Variants in RASGRP3 observed in about 807,000 individuals in gnomAD.
The protein encoded by RASGRP3 is RAS guanyl releasing protein 3.
RASGRP3 carries 54 observed loss-of-function variants against 82.7 expected under a neutral mutation model. The ratio of observed to expected loss-of-function variants is 0.65; its 90% confidence interval spans 0.52 to 0.82. The LOEUF (loss-of-function observed/expected upper bound fraction) is 0.82, where lower values mean the gene tolerates loss of function less well. RASGRP3 is among the 40% of genes least tolerant of loss of function. The probability of loss-of-function intolerance (pLI) is 0.00; values close to 1 mark genes in which losing one functional copy is unlikely to be tolerated. For synonymous variants in RASGRP3, 309 were observed against 300.5 expected (o/e 1.03, Z -0.29); for missense variants, 861 against 828.9 (o/e 1.04, Z -0.48).
rs187876296 is a variant in RASGRP3 at position 33,441,261 on chromosome 2, C to G, written c.-385+4670C>G. The stretch of plus-strand genomic sequence containing the variant: ...TATATGTCCCCATTTCCCTTTCCCC[C>G]CTCCTCCCACCCTTAGTGGCCACTG... On this transcript the variant is annotated intron_variant, in intron 1 of 18. Coordinates refer to the RASGRP3 transcript ENST00000402538. 4.5e-4 allele frequency among the ~76,000 whole-genome samples: 69 copies of G among 152,214 alleles called. 1 individual carries two copies. In the East Asian group the frequency reaches 0.013, roughly 29 times the overall value.
At chr2:33,439,612 C>T (rs1191147980) in intron 1 of RASGRP3, among the ~76,000 whole-genome samples, 2 of 152,170 alleles carry the variant, frequency 1.3e-5, no homozygotes, top group Admixed American at 6.5e-5. Context: ...ATAGTATTTG[C>T]TGTTTATCAG....
intron 1 of RASGRP3, among the ~76,000 whole-genome samples, chr2:33,505,779 TCA>T (rs1379142683): frequency 6.6e-6 from 1 of 152,218 alleles, no homozygotes; most frequent in Non-Finnish European, 1.5e-5. Context: ...TCATAATCCT[TCA>T]ATGTGGCTGA....
At chr2:33,556,172 G>A (rs1675925740) in intron 15 of RASGRP3, among the ~76,000 whole-genome samples, 1 of 147,968 alleles carries the variant, frequency 6.8e-6, no homozygotes, top group Admixed American at 6.7e-5. Context: ...ATACATTACT[G>A]TTGTTTAAGA....
At chr2:33,562,120 G>A (rs1676731148) in intron 17 of RASGRP3, among the ~76,000 whole-genome samples, 1 of 152,028 alleles carries the variant, frequency 6.6e-6, no homozygotes, top group African/African-American at 2.4e-5. Flanking sequence ...TTTACACTGT[G>A]GATTTCTAAG....
intron 2 of RASGRP3, among the ~76,000 whole-genome samples, chr2:33,461,149 A>G (rs1265914020): frequency 6.6e-6 from 1 of 152,234 alleles, no homozygotes; most frequent in Non-Finnish European, 1.5e-5. Context: ...CAATTTGAGA[A>G]GTTTTACCCC....
chr2:33,479,509 T>C (rs1036188715), intron 1 of RASGRP3, among the ~76,000 whole-genome samples: 13 of 152,124 alleles, frequency 8.5e-5, no homozygotes, highest in African/African-American at 2.9e-4. Flanking sequence ...GTTGTCCGAG[T>C]AGGTTGTTGA....
upstream of RASGRP3, among the ~76,000 whole-genome samples, chr2:33,473,474 G>A (rs903861679): frequency 3.3e-5 from 5 of 152,244 alleles, no homozygotes; most frequent in Admixed American, 1.3e-4. Flanking sequence ...CGCACGCTGA[G>A]AGCAAGAGAA....
chr2:33,460,370 T>C (rs1020867242), intron 2 of RASGRP3, among the ~76,000 whole-genome samples: 5 of 152,176 alleles, frequency 3.3e-5, no homozygotes, highest in South Asian at 2.1e-4. Flanking sequence ...CTATCCTATA[T>C]TGGATTTTGA....
At chr2:33,548,180 T>C (rs1217740921) in intron 13 of RASGRP3, among the ~76,000 whole-genome samples, 1 of 151,492 alleles carries the variant, frequency 6.6e-6, no homozygotes, top group Non-Finnish European at 1.5e-5. Flanking sequence ...GCTAACACGG[T>C]GAAACCCCGT....
chr2:33,447,256 T>C (rs991682574), intron 1 of RASGRP3, among the ~76,000 whole-genome samples: 15 of 152,096 alleles, frequency 9.9e-5, no homozygotes, highest in African/African-American at 3.4e-4. Flanking sequence ...GTTGAGATTA[T>C]GTATGTAGCC....
intron 17 of RASGRP3, among the ~76,000 whole-genome samples, chr2:33,560,900 G>A (rs922882418): frequency 1.3e-5 from 2 of 152,196 alleles, no homozygotes; most frequent in African/African-American, 4.8e-5. Context: ...TTCACAGCCT[G>A]TTGGGTGTAA....
intron 10 of RASGRP3, chr2:33,531,838 C>T (rs1467122905): frequency 6.6e-6 from 1 of 151,156 alleles, no homozygotes; most frequent in African/African-American, 2.5e-5. Flanking sequence ...TCTTGGTTGG[C>T]TGTGGTAGTG....
intron 1 of RASGRP3, among the ~76,000 whole-genome samples, chr2:33,499,222 C>G (rs1669622601): frequency 6.6e-6 from 1 of 152,140 alleles, no homozygotes; most frequent in Non-Finnish European, 1.5e-5. Context: ...AACCACCTGT[C>G]TCCCTGGCTT....
intron 2 of RASGRP3, among the ~76,000 whole-genome samples, chr2:33,459,976 G>A (rs1017687632): frequency 1.3e-5 from 2 of 152,166 alleles, no homozygotes; most frequent in African/African-American, 2.4e-5. Context: ...CTAGAGTTCG[G>A]TCAAGGAAAG....
At chr2:33,507,356 C>G (rs1369959024) in intron 1 of RASGRP3, among the ~76,000 whole-genome samples, 6 of 152,136 alleles carry the variant, frequency 3.9e-5, no homozygotes, top group Non-Finnish European at 5.9e-5. Context: ...GATCACACCA[C>G]TGCACTCCAG....
At chr2:33,562,585 C>CTAA (rs2151129567) in intron 17 of RASGRP3, 144 bp from the exon 18 acceptor site, 3 of 904,302 alleles carry the variant, frequency 3.3e-6, no homozygotes, top group East Asian at 2.7e-5. Flanking sequence ...ACATGATCTC[C>CTAA]TAATTCCCAC....
At chr2:33,450,476 C>G (rs1386575733) in intron 2 of RASGRP3, among the ~76,000 whole-genome samples, 2 of 152,158 alleles carry the variant, frequency 1.3e-5, no homozygotes, top group Admixed American at 6.5e-5. Flanking sequence ...TCCTGCAGAA[C>G]TTGTCTTTCT....
chr2:33,473,180 G>GTGAAA (rs1270428328), upstream of RASGRP3, among the ~76,000 whole-genome samples: 1 of 152,150 alleles, frequency 6.6e-6, no homozygotes, highest in Non-Finnish European at 1.5e-5. Context: ...GGCTAACATG[G>GTGAAA]TGAAACCCCA....
chr2:33,514,984 T>C, intron 2 of RASGRP3, 26 bp from the exon 3 acceptor site: 1 of 683,744 alleles, frequency 1.5e-6, no homozygotes, highest in Non-Finnish European at 2.5e-6. Flanking sequence ...GTCTAATAAC[T>C]TTCTCTCTTT....
Sources: allele counts gnomAD v4.1 joint callset (sites outside exome capture counted in the v4.1 genomes callset), GRCh38; gene constraint gnomAD v4.1.1; transcripts MANE v1.5; gene names NCBI Gene and HGNC (gene_info 2026-07-23, HGNC 2026-07-21).